Variants in ATP13A4 observed in about 807,000 individuals in gnomAD.
ATP13A4 encodes probable cation-transporting ATPase 13A4.
In ATP13A4, 114 loss-of-function variants were observed where a neutral mutation model predicts 142.5. The ratio of observed to expected loss-of-function variants is 0.80; its 90% CI spans 0.69 to 0.93. The LOEUF (loss-of-function observed/expected upper bound fraction) is 0.93, where lower values mean the gene tolerates loss of function less well. ATP13A4 is among the 40% of genes least tolerant of loss of function. The pLI, the probability that ATP13A4 is intolerant of heterozygous loss-of-function variation, is 0.00. For synonymous variants in ATP13A4, 488 were observed against 514.8 expected, an observed-to-expected ratio of 0.95 and a Z score of 0.70; for missense variants, 1,392 against 1,454.0, an observed-to-expected ratio of 0.96 and a Z score of 0.69.
rs1234737982 is a variant in ATP13A4, at chr3:193,502,429, T to A, written c.381+64A>T. On this transcript the variant is annotated intron_variant, in intron 3 of 29. Transcript: ENST00000342695. Reference sequence around the variant, plus strand: ...GCACAGTAGAGGAGCTACATTTAACTATATACTTGAGGGGAAAAAGATTAA... The same window carrying A: ...GCACAGTAGAGGAGCTACATTTAACAATATACTTGAGGGGAAAAAGATTAA... 5 of 1,553,716 alleles carry A rather than the reference T, an allele frequency of 3.2e-6. No homozygotes were observed. In the East Asian group the frequency reaches 1.1e-4, roughly 35 times the overall value.
At chr3:193,504,809 C>T (rs80344520) in intron 2 of ATP13A4, among the ~76,000 whole-genome samples, 2,030 of 152,242 alleles carry the variant, frequency 0.013, 30 homozygotes, top group East Asian at 0.069. Context: ...AGACCTCTTG[C>T]CACCAAGTAG....
intron 2 of ATP13A4, among the ~76,000 whole-genome samples, chr3:193,567,172 ATAAT>A (rs904733968): frequency 3.7e-4 from 56 of 152,324 alleles, no homozygotes; most frequent in African/African-American, 1.2e-3. Context: ...TTTGAAAATG[ATAAT>A]TAAATATTAA....
Position 193,483,961 on chromosome 3 carries a change from A to C in ATP13A4, c.783T>G (p.Ile261Met). ...LHHLVESHNS[I>M]TVSVCGRKAG... is the part of the protein sequence containing the mutation. Reference sequence around the variant, plus strand: ...CTTTTCTCCCACATACAGAGACCGTAATGCTATTATGTGACTCGACGAGAT... The same window carrying C: ...CTTTTCTCCCACATACAGAGACCGTCATGCTATTATGTGACTCGACGAGAT... The change falls in exon 8 of 30, where the codon ATT becomes ATG. Residue 261 changes from isoleucine (I) to methionine (M), a missense_variant. Transcript: ENST00000342695. The C allele has an allele frequency of 6.2e-7, 1 of 1,608,968 alleles. No individual in the cohort carries two copies. The highest frequency in any genetic ancestry group is 8.5e-7 in the Non-Finnish European group (1 of 1,175,404).
At chr3:193,484,203 T>C (rs1719471025) in intron 7 of ATP13A4, among the ~76,000 whole-genome samples, 198 bp from the exon 8 acceptor site, 1 of 152,026 alleles carries the variant, frequency 6.6e-6, no homozygotes, top group Admixed American at 6.6e-5. Context: ...CACCCAGCAA[T>C]AAGTATGTTT....
intron 24 of ATP13A4, among the ~76,000 whole-genome samples, chr3:193,434,741 T>C (rs1716167066): frequency 6.6e-6 from 1 of 152,212 alleles, no homozygotes; most frequent in South Asian, 2.1e-4. Context: ...GTTAATACGG[T>C]AATCTCACAT....
At chr3:193,496,565 T>C (rs1041903628) in intron 3 of ATP13A4, among the ~76,000 whole-genome samples, 2 of 152,018 alleles carry the variant, frequency 1.3e-5, no homozygotes, top group African/African-American at 4.8e-5. Flanking sequence ...CTGAGACAGA[T>C]GGATCACTTG....
chr3:193,444,736 G>T (rs1716841922), intron 18 of ATP13A4, among the ~76,000 whole-genome samples: 1 of 152,186 alleles, frequency 6.6e-6, no homozygotes, highest in African/African-American at 2.4e-5. Context: ...GATGCCTAGA[G>T]CAACCATTAA....
chr3:193,576,247 A>ATATT, intron 2 of ATP13A4, among the ~76,000 whole-genome samples: 1 of 107,332 alleles, frequency 9.3e-6, no homozygotes, highest in Non-Finnish European at 2.0e-5. Context: ...GCTTGAATCA[A>ATATT]TCTTTTTTTT....
At chr3:193,507,282 C>A (rs920784595) in intron 2 of ATP13A4, among the ~76,000 whole-genome samples, 1 of 152,152 alleles carries the variant, frequency 6.6e-6, no homozygotes, top group African/African-American at 2.4e-5. Flanking sequence ...TGCTGCACTG[C>A]CTTTATAGAC....
At position 193,519,338 on chromosome 3, in the gene ATP13A4, G is replaced by T. The variant is rs114057447; in HGVS notation, c.61-4467C>A. On this transcript the variant is annotated intron_variant, in intron 1 of 29. Coordinates refer to ENST00000342695, the MANE Select transcript of ATP13A4 (RefSeq NM_032279.4). Reference sequence around the variant, plus strand: ...AACTGAGGTACTAAGACAGAAAGCAGATTGCCCATGTGATCTACCACCTGC... The same window carrying T: ...AACTGAGGTACTAAGACAGAAAGCATATTGCCCATGTGATCTACCACCTGC... 4.7e-3 allele frequency among the ~76,000 whole-genome samples: 714 copies of T among 152,292 alleles called. 10 individuals carry two copies. The highest frequency in any genetic ancestry group is 0.017 in the African/African-American group (686 of 41,568).
intron 1 of ATP13A4, among the ~76,000 whole-genome samples, chr3:193,546,766 C>T (rs1723251934): frequency 6.6e-6 from 1 of 152,190 alleles, no homozygotes; most frequent in Admixed American, 6.5e-5. Flanking sequence ...AGGACTTAAG[C>T]CATGGCCTGC....
intron 7 of ATP13A4, among the ~76,000 whole-genome samples, chr3:193,488,751 G>A (rs115711233): frequency 8.5e-4 from 130 of 152,288 alleles, no homozygotes; most frequent in African/African-American, 3.1e-3. Flanking sequence ...AGTAGCTGAA[G>A]GCAGAAGCAC....
chr3:193,418,239 C>G (rs1490273696), intron 25 of ATP13A4, among the ~76,000 whole-genome samples: 2 of 141,564 alleles, frequency 1.4e-5, no homozygotes, highest in Non-Finnish European at 3.0e-5. Context: ...ATGGCGTGAA[C>G]CCCGAGGGGC....
At chr3:193,470,817 G>C in intron 9 of ATP13A4, 42 bp downstream of exon 9, 1 of 1,613,210 alleles carries the variant, frequency 6.2e-7, no homozygotes, top group African/African-American at 1.3e-5. Context: ...TGGAGTGTGG[G>C]CCAGCCCACA....
intron 1 of ATP13A4, among the ~76,000 whole-genome samples, chr3:193,537,370 T>C (rs764699529): frequency 6.6e-6 from 1 of 151,524 alleles, no homozygotes; most frequent in Non-Finnish European, 1.5e-5. Flanking sequence ...CATCAAGTAA[T>C]TGGATATCCA....
chr3:193,547,772 G>T (rs531145047), intron 1 of ATP13A4, among the ~76,000 whole-genome samples: 1 of 151,784 alleles, frequency 6.6e-6, no homozygotes, highest in African/African-American at 2.4e-5. Context: ...AGGGCCCTAC[G>T]CTCAGAAGGT....
Position 193,471,298 on chromosome 3 carries a change from C to T in ATP13A4, c.809-305G>A, listed in dbSNP as rs1397838194. Among the ~76,000 whole-genome samples the T allele has an allele frequency of 1.3e-5, 2 of 152,182 alleles. 1 individual carries two copies. Among genetic ancestry groups the T allele is most frequent in the African/African-American group, 4.8e-5 (2 of 41,438 alleles). On this transcript the variant is annotated intron_variant, in intron 8 of 29. Transcript: ENST00000342695. Reference sequence around the variant, plus strand: ...ATATTCCCAGCTGAGCACAGTGGCTCATGCCTGTAATCCCAGCACTTTTGG... The same window carrying T: ...ATATTCCCAGCTGAGCACAGTGGCTTATGCCTGTAATCCCAGCACTTTTGG...
intron 25 of ATP13A4, among the ~76,000 whole-genome samples, chr3:193,417,944 A>C (rs1169594809): frequency 1.4e-5 from 2 of 145,996 alleles, no homozygotes; most frequent in Non-Finnish European, 3.0e-5. Flanking sequence ...AAAACGGTGA[A>C]ACCCCGTCTC....
At chr3:193,443,023 G>A (rs1272155599) in intron 18 of ATP13A4, among the ~76,000 whole-genome samples, 8 of 152,152 alleles carry the variant, frequency 5.3e-5, no homozygotes, top group Non-Finnish European at 1.2e-4. Flanking sequence ...GCAGATGGTG[G>A]GAGGGAGTCA....
Sources: gnomAD v4.1 joint callset for allele counts (sites outside exome capture counted in the v4.1 genomes callset) on GRCh38, gnomAD v4.1.1 for gene constraint, MANE v1.5 for transcripts, NCBI Gene and HGNC (gene_info 2026-07-23, HGNC 2026-07-21) for gene names.